The following ZNF280C variants were observed in gnomAD, a reference collection of about 807,000 sequenced individuals.
ZNF280C encodes zinc finger protein 280C, also known as suppressor of hairy wing homolog 3.
A neutral mutation model predicts 53.6 loss-of-function variants in ZNF280C; 14 were observed. That is an observed-to-expected ratio of 0.26 (90% CI 0.17 to 0.41). The LOEUF (loss-of-function observed/expected upper bound fraction) is 0.41. ZNF280C is among the 10% of genes least tolerant of loss of function. ZNF280C has a pLI of 1.00. For missense variants in ZNF280C, 416 were observed against 547.1 expected (o/e 0.76, Z 2.39); for synonymous variants, 203 against 181.1 (o/e 1.12, Z -0.97).
At chrX:130,219,037 G>T (rs2032133876) in intron 13 of ZNF280C, among the ~76,000 whole-genome samples, 1 of 111,783 alleles carries the variant, frequency 8.9e-6, no homozygotes, top group Non-Finnish European at 1.9e-5. Flanking sequence ...TAGATATTCA[G>T]ATAATTGTTT....
intron 12 of ZNF280C, among the ~76,000 whole-genome samples, chrX:130,222,448 T>A (rs1603241069): frequency 9.0e-6 from 1 of 111,255 alleles, no homozygotes; most frequent in Non-Finnish European, 1.9e-5. Context: ...ATTTCTTAAA[T>A]AAAGAAATAA....
Position 130,204,924 on chromosome X carries a change from G to A in ZNF280C, c.*53C>T. 9.5e-7 allele frequency: 1 copy of A among 1,050,227 alleles called. No homozygotes were observed. The highest frequency in any genetic ancestry group is 2.0e-5 in the African/African-American group (1 of 51,099). 86.6% of individuals were successfully genotyped at this position (1,050,227 alleles called of 1,213,427 possible). On this transcript the variant is annotated 3_prime_UTR_variant, in exon 19 of 19. Transcript: ENST00000370978. ...AAAATACTTCAGAACTTTGAACTTAGGAACTTCCAACTTGTCTTGCACCAG... is the reference window on the plus strand; with the variant it reads ...AAAATACTTCAGAACTTTGAACTTAAGAACTTCCAACTTGTCTTGCACCAG...
At chrX:130,268,476 G>A (rs2032714511) in intron 1 of ZNF280C, among the ~76,000 whole-genome samples, 1 of 112,017 alleles carries the variant, frequency 8.9e-6, no homozygotes, top group Non-Finnish European at 1.9e-5. Flanking sequence ...CAGGAGGTGA[G>A]AAGGCTGCCG....
intron 15 of ZNF280C, among the ~76,000 whole-genome samples, chrX:130,211,583 C>A (rs1358254822): frequency 9.0e-6 from 1 of 111,383 alleles, no homozygotes; most frequent in East Asian, 2.8e-4. Flanking sequence ...ATGAGGGAAA[C>A]AGTGTACCCT....
intron 15 of ZNF280C, among the ~76,000 whole-genome samples, chrX:130,210,044 C>T (rs769367628): frequency 6.3e-5 from 7 of 111,263 alleles, no homozygotes; most frequent in Admixed American, 9.6e-5. Context: ...CATGTGAGGA[C>T]GCAGTGAGAA....
At chrX:130,243,161 A>G (rs773665233) in intron 5 of ZNF280C, among the ~76,000 whole-genome samples, 1 of 111,395 alleles carries the variant, frequency 9.0e-6, no homozygotes, top group South Asian at 3.7e-4. Context: ...ACAGTTCACA[A>G]TTTTTTGGGT....
rs757999550 is a variant in ZNF280C at position 130,215,344 on chromosome X, C to T, written c.1839-11G>A. The T allele has an allele frequency of 3.5e-5, 40 of 1,128,390 alleles. No individual in the cohort carries two copies. The highest frequency in any genetic ancestry group is 1.3e-4 in the East Asian group (4 of 31,215). 93.0% of individuals were successfully genotyped at this position (1,128,390 alleles called of 1,213,427 possible). Reference sequence around the variant, plus strand: ...ATTCCCCGACGACACCTTATGGAGACGGAAAAAAAAGATAAAAAGAGATTA... The same window carrying T: ...ATTCCCCGACGACACCTTATGGAGATGGAAAAAAAAGATAAAAAGAGATTA... On this transcript the variant is annotated splice_polypyrimidine_tract_variant and intron_variant, in intron 14 of 18. Coordinates refer to ENST00000370978, the MANE Select transcript of ZNF280C (RefSeq NM_017666.5).
chrX:130,232,197 G>C, intron 8 of ZNF280C, among the ~76,000 whole-genome samples: 1 of 102,667 alleles, frequency 9.7e-6, no homozygotes, highest in Non-Finnish European at 2.0e-5. Context: ...ACACAAAAAA[G>C]CATCAGTTAC....
At chrX:130,255,584 AG>A (rs1266389853) in intron 2 of ZNF280C, among the ~76,000 whole-genome samples, 4 of 112,174 alleles carry the variant, frequency 3.6e-5, no homozygotes, top group Admixed American at 1.9e-4. Flanking sequence ...ACAGAAAGAA[AG>A]GGCCCACTAA....
intron 1 of ZNF280C, among the ~76,000 whole-genome samples, chrX:130,267,847 G>C (rs995083885): frequency 6.3e-5 from 7 of 111,640 alleles, no homozygotes; most frequent in African/African-American, 2.0e-4. Context: ...GTCCAAACCT[G>C]AAAACAATAG....
chrX:130,223,095 C>T (rs1427557167), intron 12 of ZNF280C, among the ~76,000 whole-genome samples: 1 of 109,541 alleles, frequency 9.1e-6, no homozygotes, highest in African/African-American at 3.3e-5. Flanking sequence ...CGGAGTCTTG[C>T]TCTGTCTCCC....
chrX:130,205,448 C>T (rs747880293), intron 16 of ZNF280C, 33 bp from the exon 17 acceptor site: 1 of 983,880 alleles, frequency 1.0e-6, no homozygotes, highest in Non-Finnish European at 1.4e-6. Flanking sequence ...AAGAAATATT[C>T]TTATCATTTA....
rs1195642828 is a variant in ZNF280C at position 130,234,780 on chromosome X, C to T, written c.771+1434G>A. On this transcript the variant is annotated intron_variant, in intron 8 of 18. Transcript: ENST00000370978. ...ATATCTACTAAAATATTTTAAGTGGCGTGTTACCTTAATCCCATACTCTAT... is the reference window on the plus strand; with the variant it reads ...ATATCTACTAAAATATTTTAAGTGGTGTGTTACCTTAATCCCATACTCTAT... Among the ~76,000 whole-genome samples, 22 of 111,555 alleles carry T rather than the reference C, an allele frequency of 2.0e-4. No individual in the cohort carries two copies. In the Admixed American group the frequency reaches 2.1e-3, roughly 11 times the overall value.
At chrX:130,233,804 A>G (rs2032304085) in intron 8 of ZNF280C, among the ~76,000 whole-genome samples, 2 of 110,383 alleles carry the variant, frequency 1.8e-5, no homozygotes, top group Admixed American at 2.0e-4. Context: ...CAAGCTGTAT[A>G]CATTAAATAC....
chrX:130,216,212 CA>C lies in ZNF280C; in HGVS notation c.1528-112del, dbSNP rs2032102918. On this transcript the variant is annotated intron_variant, in intron 13 of 18. Coordinates refer to ENST00000370978, the MANE Select transcript of ZNF280C (RefSeq NM_017666.5). Reference sequence around the variant, plus strand: ...ATTTACGGTAAACTGGCAAGGGTCCCAAAACATTTCCAATGGGGCAAAAAAT... The same window carrying C: ...ATTTACGGTAAACTGGCAAGGGTCCCAAACATTTCCAATGGGGCAAAAAAT... The C allele has an allele frequency of 5.8e-6, 4 of 686,920 alleles. No individual in the cohort carries two copies. In the Admixed American group the frequency reaches 1.1e-4, roughly 19 times the overall value. 56.6% of individuals were successfully genotyped at this position (686,920 alleles called of 1,213,427 possible).
chrX:130,256,444 G>A (rs1045577589), intron 2 of ZNF280C, among the ~76,000 whole-genome samples: 4 of 111,698 alleles, frequency 3.6e-5, no homozygotes, highest in South Asian at 3.7e-4. Flanking sequence ...GGCCGGGCGC[G>A]GTGGTGGTGC....
At position 130,236,625 on chromosome X, in the gene ZNF280C, A is replaced by T. The variant is rs769091340; in HGVS notation, c.508T>A (p.Ser170Thr). ...GTAGAAGGATGTTTCAACACATATG[A>T]AGTATTTTTCATACCTACAAAGATT... ...AIFREGMKNT[S>T]YVLKHPSTSK... Residue 170 changes from serine (S) to threonine (T), a missense_variant, in exon 7 of 19, where the codon TCA becomes ACA. Physicochemically the swap from Ser to Thr is moderately conservative, Grantham distance 58 (BLOSUM62 1). This residue lies in a region of ZNF280C where 193 missense variants were observed against 201.4 expected (regional missense o/e 0.96). Transcript: ENST00000370978. 106 of 1,168,687 alleles carry T rather than the reference A, an allele frequency of 9.1e-5. No individual in the cohort carries two copies. The South Asian group carries it at 1.8e-3, about 20-fold the overall frequency.
intron 15 of ZNF280C, among the ~76,000 whole-genome samples, chrX:130,213,593 A>C (rs2032067362): frequency 8.9e-6 from 1 of 112,139 alleles, no homozygotes; most frequent in Non-Finnish European, 1.9e-5. Flanking sequence ...CATTCAAAAC[A>C]GAAGACCTTG....
At chrX:130,221,967 C>G (rs1263802556) in intron 12 of ZNF280C, among the ~76,000 whole-genome samples, 3 of 111,208 alleles carry the variant, frequency 2.7e-5, no homozygotes, top group Non-Finnish European at 3.8e-5. Flanking sequence ...GCTACAATTT[C>G]ATCTCCTACT....
Sources: gnomAD v4.1 joint callset for allele counts (sites outside exome capture counted in the v4.1 genomes callset) on GRCh38, gnomAD v4.1.1 for gene constraint, gnomAD v4.1.1 regional missense constraint, MANE v1.5 for transcripts, NCBI Gene and HGNC (gene_info 2026-07-23, HGNC 2026-07-21) for gene names.